Variants in MAN1B1 observed in about 807,000 individuals in gnomAD.
MAN1B1 encodes the protein mannosidase alpha class 1B member 1, also known as endoplasmic reticulum mannosyl-oligosaccharide 1,2-alpha-mannosidase.
MAN1B1 carries 66 observed loss-of-function variants against 75.5 expected under a neutral mutation model. The observed-to-expected ratio is 0.87, with a 90% CI of 0.72 to 1.07. The LOEUF is 1.07. MAN1B1 is among the 50% of genes least tolerant of loss of function. The probability of loss-of-function intolerance (pLI) is 0.00; values close to 1 mark genes in which losing one functional copy is unlikely to be tolerated. For synonymous variants in MAN1B1, 453 were observed against 382.8 expected, an observed-to-expected ratio of 1.18 and a Z score of -2.14; for missense variants, 973 against 912.5, an observed-to-expected ratio of 1.07 and a Z score of -0.85.
At chr9:137,104,781 TGC>T (rs1831036020) in intron 8 of MAN1B1, 1 of 152,772 alleles carries the variant, frequency 6.5e-6, no homozygotes, top group African/African-American at 2.5e-5. Context: ...CCTGAGGCTC[TGC>T]TTTGTTGTGA....
chr9:137,106,763 T>C lies in MAN1B1; in HGVS notation c.1520T>C (p.Leu507Pro). 1 of 1,613,496 alleles carries C rather than the reference T, an allele frequency of 6.2e-7. No individual in the cohort carries two copies. The highest frequency in any genetic ancestry group is 8.5e-7 in the Non-Finnish European group (1 of 1,179,996). The change falls in exon 10 of 13, where the codon CTC (leucine) becomes CCC (proline). Residue 507 changes from leucine to proline, a missense_variant. Transcript: ENST00000371589. Reference protein sequence around the residue: ...HLLRHSEPSKLTFVGELAHGR... With the variant: ...HLLRHSEPSKPTFVGELAHGR... ...CTGCGGCACTCCGAGCCCAGTAAGC[T>C]CACCTTTGTGGGGGAGCTTGCCCAC...
intron 11 of MAN1B1, 26 bp from the exon 12 acceptor site, chr9:137,107,505 T>C (rs1029369736): frequency 1.2e-6 from 2 of 1,613,012 alleles, no homozygotes; most frequent in Admixed American, 3.3e-5. Flanking sequence ...GGGCTGGCCT[T>C]GCCCTGAGCT....
At chr9:137,105,161 T>G (rs1367438145) in intron 8 of MAN1B1, 1 of 152,462 alleles carries the variant, frequency 6.6e-6, no homozygotes, top group African/African-American at 2.4e-5. Flanking sequence ...CTTTTTACTT[T>G]GTTAATGGTG....
Position 137,106,736 on chromosome 9 carries a change from T to A in MAN1B1, c.1493T>A (p.Leu498Gln). The A allele has an allele frequency of 6.2e-7, 1 of 1,613,524 alleles. No individual in the cohort carries two copies. Among genetic ancestry groups the A allele is most frequent in the Non-Finnish European group, 8.5e-7 (1 of 1,179,998 alleles). The change falls in exon 10 of 13, where the codon CTG becomes CAG. Residue 498 changes from leucine to glutamine, a missense_variant. Leu to Gln is a moderately radical substitution (Grantham distance 113, BLOSUM62 -2). Transcript: ENST00000371589. ...GCCATCGAGGGTGTCAGAACGCACC[T>A]GCTGCGGCACTCCGAGCCCAGTAAG... ...VEAIEGVRTHLLRHSEPSKLT... is the reference protein window; with the variant it reads ...VEAIEGVRTHQLRHSEPSKLT...
rs1435798859 is a variant in MAN1B1 at position 137,095,373 on chromosome 9, T to A, written c.466-864T>A. Among the ~76,000 whole-genome samples, 559 of 145,038 alleles carry A rather than the reference T, an allele frequency of 3.9e-3. 2 individuals carry two copies. Among genetic ancestry groups the A allele is most frequent in the African/African-American group, 0.011 (430 of 39,842 alleles). On this transcript the variant is annotated intron_variant, in intron 3 of 12. Coordinates refer to ENST00000371589, the MANE Select transcript of MAN1B1 (RefSeq NM_016219.5). Reference sequence around the variant, plus strand: ...CATAAGTAAGCATTCTTTCCTTTTTTAAAAAAAAAAAAAGTGGAGCAATCT... The same window carrying A: ...CATAAGTAAGCATTCTTTCCTTTTTAAAAAAAAAAAAAAGTGGAGCAATCT...
chr9:137,088,367 G>C (rs1407136276), intron 2 of MAN1B1, 184 bp downstream of exon 2: 1 of 1,589,622 alleles, frequency 6.3e-7, no homozygotes, highest in Admixed American at 1.7e-5. Context: ...ATGTTAATTT[G>C]ATGCTGTCTG....
chr9:137,087,146 C>A lies in MAN1B1; in HGVS notation c.147C>A (p.Phe49Leu), dbSNP rs778422821. 1.1e-5 allele frequency: 17 copies of A among 1,594,190 alleles called. No homozygotes were observed. Among genetic ancestry groups the A allele is most frequent in the Non-Finnish European group, 1.5e-5 (17 of 1,171,608 alleles). Residue 49 changes from phenylalanine to leucine, a missense_variant, in exon 1 of 13, where the codon TTC (phenylalanine) becomes TTA (leucine). By Grantham distance (22) the Phe-to-Leu change is conservative. Transcript: ENST00000371589. ...PPPPPPPHRD[F>L]ISVTLSFGEN... ...CGCCGCCGCCGCCTCATCGGGACTT[C>A]ATCTCGGTGACGCTGAGCTTTGGCG... is the stretch of plus-strand genomic sequence containing the variant.
chr9:137,088,519 G>A (rs143347867), intron 2 of MAN1B1: 2 of 1,138,744 alleles, frequency 1.8e-6, no homozygotes, highest in Admixed American at 1.8e-5. Flanking sequence ...AAAAGACCAG[G>A]CAGAGTTCTG....
At chr9:137,100,353 T>G (rs1830774542) in intron 6 of MAN1B1, among the ~76,000 whole-genome samples, 1 of 152,218 alleles carries the variant, frequency 6.6e-6, no homozygotes, top group Admixed American at 6.5e-5. Flanking sequence ...GTAATTTTTT[T>G]GGGTCGTAGC....
intron 3 of MAN1B1, among the ~76,000 whole-genome samples, chr9:137,094,951 G>T (rs13302226): frequency 6.6e-6 from 1 of 152,026 alleles, no homozygotes; most frequent in African/African-American, 2.4e-5. Flanking sequence ...ACTTTGGGAG[G>T]CTGAGGTGGG....
At chr9:137,098,732 G>A (rs149745091) in intron 5 of MAN1B1, among the ~76,000 whole-genome samples, 5,196 of 152,228 alleles carry the variant, frequency 0.034, 111 homozygotes, top group African/African-American at 0.054. Flanking sequence ...TTGGCCGGGC[G>A]TGGTGGCTCA....
At chr9:137,106,078 C>G in intron 8 of MAN1B1, 47 bp from the exon 9 acceptor site, 1 of 1,494,422 alleles carries the variant, frequency 6.7e-7, no homozygotes, top group Non-Finnish European at 9.3e-7. Context: ...GCTCACCCTG[C>G]AGCTCGGCCC....
chr9:137,101,475 A>C lies in MAN1B1; in HGVS notation c.1066-9A>C. 6.2e-7 allele frequency: 1 copy of C among 1,613,678 alleles called. No homozygotes were observed. Among genetic ancestry groups the C allele is most frequent in the Non-Finnish European group, 8.5e-7 (1 of 1,179,958 alleles). On this transcript the variant is annotated splice_polypyrimidine_tract_variant and intron_variant, in intron 7 of 12. Transcript: ENST00000371589. Reference sequence around the variant, plus strand: ...TGAACGTTGGTTCTCTACTCTGCTCATATACCAGGAGGATTTTGGAAATCG... The same window carrying C: ...TGAACGTTGGTTCTCTACTCTGCTCCTATACCAGGAGGATTTTGGAAATCG...
At chr9:137,105,494 C>G (rs947671412) in intron 8 of MAN1B1, 3 of 203,138 alleles carry the variant, frequency 1.5e-5, no homozygotes, top group Non-Finnish European at 3.0e-5. Flanking sequence ...GATAGGCAGC[C>G]AGGCCTCGAA....
At chr9:137,108,260 A>G in intron 12 of MAN1B1, 128 bp from the exon 13 acceptor site, 1 of 821,386 alleles carries the variant, frequency 1.2e-6, no homozygotes, top group South Asian at 1.4e-5. Context: ...GCCATCATCC[A>G]GGCGCCCTCC....
chr9:137,088,671 T>G, intron 2 of MAN1B1, 198 bp from the exon 3 acceptor site: 1 of 736,768 alleles, frequency 1.4e-6, no homozygotes, highest in South Asian at 1.7e-5. Context: ...TTCTGTGTTA[T>G]GGACAAGGAC....
chr9:137,103,781 G>A, intron 8 of MAN1B1: 2 of 452,078 alleles, frequency 4.4e-6, no homozygotes, highest in Non-Finnish European at 4.4e-6. Context: ...CACTGTTGCA[G>A]GTGTGCAGGT....
intron 3 of MAN1B1, among the ~76,000 whole-genome samples, chr9:137,093,022 C>T (rs1174988139): frequency 3.3e-5 from 5 of 152,170 alleles, no homozygotes; most frequent in East Asian, 1.9e-4. Context: ...CTTATGACTT[C>T]ATCCGGCTTA....
rs778621273 is a variant in MAN1B1 at position 137,108,636 on chromosome 9, C to G, written c.*45C>G. ...GGGGACTTCGGGTGGGCAGAGGCACCTTGCTGGGTCTGTGGCATTTTCCAA... is the reference window on the plus strand; with the variant it reads ...GGGGACTTCGGGTGGGCAGAGGCACGTTGCTGGGTCTGTGGCATTTTCCAA... On this transcript the variant is annotated 3_prime_UTR_variant, in exon 13 of 13. Coordinates refer to ENST00000371589, the MANE Select transcript of MAN1B1 (RefSeq NM_016219.5). 82 of 1,580,450 alleles carry G rather than the reference C, an allele frequency of 5.2e-5. No individual in the cohort carries two copies. Among genetic ancestry groups the G allele is most frequent in the Non-Finnish European group, 6.6e-5 (76 of 1,150,438 alleles).
Sources: allele counts gnomAD v4.1 joint callset (sites outside exome capture counted in the v4.1 genomes callset), GRCh38; gene constraint gnomAD v4.1.1; transcripts MANE v1.5; gene names NCBI Gene and HGNC (gene_info 2026-07-23, HGNC 2026-07-21).